The following GNG2 variants were observed in gnomAD, a reference collection of about 807,000 sequenced individuals.
GNG2 encodes the protein G protein subunit gamma 2, also known as guanine nucleotide-binding protein G(I)/G(S)/G(O) subunit gamma-2.
A neutral mutation model predicts 5.5 loss-of-function variants in GNG2; 5 were observed. The observed-to-expected ratio is 0.91, with a 90% CI of 0.48 to 1.92. The LOEUF (loss-of-function observed/expected upper bound fraction) is 1.92. Among genes scored for constraint, GNG2 ranks in the 30% most tolerant of loss-of-function variants. The pLI, the probability that GNG2 is intolerant of heterozygous loss-of-function variation, is 0.01. For synonymous variants in GNG2, 28 were observed against 32.0 expected (o/e 0.88, Z 0.42); for missense variants, 55 against 88.4 (o/e 0.62, Z 1.52).
chr14:51,942,462 G>C (rs1446280923), intron 2 of GNG2, among the ~76,000 whole-genome samples: 1 of 152,072 alleles, frequency 6.6e-6, no homozygotes, highest in Non-Finnish European at 1.5e-5. Context: ...CCTCATAAGA[G>C]GCAGTACCTT....
chr14:51,938,561 G>A (rs992718166), intron 2 of GNG2, among the ~76,000 whole-genome samples: 1 of 152,160 alleles, frequency 6.6e-6, no homozygotes, highest in Admixed American at 6.5e-5. Context: ...TTTTCTCACT[G>A]TAAAACAGCT....
At chr14:51,883,669 A>G (rs1594873301) in intron 2 of GNG2, among the ~76,000 whole-genome samples, 1 of 152,330 alleles carries the variant, frequency 6.6e-6, no homozygotes, top group East Asian at 1.9e-4. Flanking sequence ...TCATGGAAAA[A>G]TATACATTCG....
chr14:51,828,542 A>G (rs1434106387), intron 2 of GNG2, among the ~76,000 whole-genome samples: 1 of 152,074 alleles, frequency 6.6e-6, no homozygotes, highest in Non-Finnish European at 1.5e-5. Context: ...GCAGAAGAAA[A>G]CATGTTGTTT....
At chr14:51,869,476 C>T (rs1050247418) in intron 1 of GNG2, among the ~76,000 whole-genome samples, 16 of 152,144 alleles carry the variant, frequency 1.1e-4, no homozygotes, top group Admixed American at 2.0e-4. Flanking sequence ...TATTTCAATA[C>T]GTAGAGGCAT....
At chr14:51,828,400 G>T (rs985477259) in intron 2 of GNG2, among the ~76,000 whole-genome samples, 2 of 152,210 alleles carry the variant, frequency 1.3e-5, no homozygotes, top group South Asian at 2.1e-4. Flanking sequence ...AGGAAAGCAG[G>T]ACCAGAAGAA....
At position 51,968,394 on chromosome 14, in the gene GNG2, A is replaced by G. The variant is rs1184868866; in HGVS notation, c.*1707A>G. Reference sequence around the variant, plus strand: ...AAAAAAAAGCATGAAAAAGGAAGAGAAAAAGTTTGATATGCCAAGGACAGA... The same window carrying G: ...AAAAAAAAGCATGAAAAAGGAAGAGGAAAAGTTTGATATGCCAAGGACAGA... On this transcript the variant is annotated 3_prime_UTR_variant, in exon 4 of 4. Coordinates refer to ENST00000556766, the MANE Select transcript of GNG2 (RefSeq NM_053064.5). The G allele has an allele frequency of 5.3e-5, 8 of 152,070 alleles. No individual in the cohort carries two copies. The highest frequency in any genetic ancestry group is 7.2e-5 in the African/African-American group (3 of 41,386). 9.4% of individuals were successfully genotyped at this position (152,070 alleles called of 1,614,324 possible). A position where few individuals can be genotyped will look rare whatever the true frequency, so the allele number is the denominator to read the frequency against.
chr14:51,916,333 G>A (rs1011802699), intron 2 of GNG2: 37 of 362,302 alleles, frequency 1.0e-4, no homozygotes, highest in Middle Eastern at 8.8e-4. Context: ...TATTTGCCCC[G>A]TAGAGATAAA....
At chr14:51,941,577 AT>A (rs1436101887) in intron 2 of GNG2, among the ~76,000 whole-genome samples, 1 of 152,196 alleles carries the variant, frequency 6.6e-6, no homozygotes, top group Non-Finnish European at 1.5e-5. Flanking sequence ...GAAAAACACC[AT>A]TGAAGTATGA....
chr14:51,828,349 G>A (rs1231495348), intron 2 of GNG2, among the ~76,000 whole-genome samples: 1 of 152,212 alleles, frequency 6.6e-6, no homozygotes, highest in Non-Finnish European at 1.5e-5. Context: ...AGGGAGCTGT[G>A]CCTGCCTGAA....
chr14:51,869,061 A>C (rs1883125991), intron 1 of GNG2, among the ~76,000 whole-genome samples: 1 of 152,224 alleles, frequency 6.6e-6, no homozygotes, highest in Admixed American at 6.5e-5. Context: ...AGCCTCCTAG[A>C]GGAGTCATTC....
Position 51,840,773 on chromosome 14 carries a change from CACATCTGCTATTCTT to C in GNG2, c.64+12968_64+12982del, listed in dbSNP as rs1288760738. Among the ~76,000 whole-genome samples, 5 of 152,296 alleles carry C rather than the reference CACATCTGCTATTCTT, an allele frequency of 3.3e-5. No individual in the cohort carries two copies. In the East Asian group the frequency reaches 9.6e-4, roughly 29 times the overall value. On this transcript the variant is annotated intron_variant, in intron 2 of 3. Transcript: ENST00000553432. ...AGCTCTGTAAATGACTGCCTTTTAG[CACATCTGCTATTCTT>C]ATATGCCAGAAGACAACCCCCTTCT...
chr14:51,940,568 C>A (rs1433842615), intron 2 of GNG2, among the ~76,000 whole-genome samples: 2 of 152,144 alleles, frequency 1.3e-5, no homozygotes, highest in African/African-American at 2.4e-5. Context: ...ATCATGACAC[C>A]TAAAAGATCT....
At chr14:51,908,472 T>C (rs1181732911) in intron 2 of GNG2, among the ~76,000 whole-genome samples, 2 of 151,448 alleles carry the variant, frequency 1.3e-5, no homozygotes, top group East Asian at 1.9e-4. Context: ...TCTGGTGCTA[T>C]GTCTAAGGAC....
chr14:51,867,765 T>C (rs2140114849), intron 1 of GNG2, among the ~76,000 whole-genome samples: 1 of 152,364 alleles, frequency 6.6e-6, no homozygotes, highest in South Asian at 2.1e-4. Context: ...TCAGTTCAAA[T>C]GCTGCCTCTT....
chr14:51,831,255 A>AT (rs1226579484), intron 2 of GNG2, among the ~76,000 whole-genome samples: 4 of 152,126 alleles, frequency 2.6e-5, no homozygotes, highest in African/African-American at 9.7e-5. Flanking sequence ...CTTTAAAAAC[A>AT]TTTTTTGCCA....
At chr14:51,826,862 A>G (rs999754421) in intron 1 of GNG2, among the ~76,000 whole-genome samples, 2 of 152,224 alleles carry the variant, frequency 1.3e-5, no homozygotes, top group African/African-American at 4.8e-5. Flanking sequence ...AAGACCCATA[A>G]ATAAGCACAG....
intron 2 of GNG2, among the ~76,000 whole-genome samples, chr14:51,850,074 G>A (rs970409420): frequency 3.3e-5 from 5 of 152,100 alleles, no homozygotes; most frequent in South Asian, 2.1e-4. Context: ...TCCCTAAAAA[G>A]ACTAATACTA....
chr14:51,946,814 T>C (rs1888669285), intron 2 of GNG2, among the ~76,000 whole-genome samples: 1 of 152,166 alleles, frequency 6.6e-6, no homozygotes, highest in Admixed American at 6.5e-5. Context: ...TTCACCCAAA[T>C]GCCACTGTCA....
chr14:51,860,271 G>GC, upstream of GNG2: 1 of 152,320 alleles, frequency 6.6e-6, no homozygotes, highest in Non-Finnish European at 1.5e-5. Context: ...AACAACAATA[G>GC]CAACAAGCCA....
Sources: gnomAD v4.1 joint callset for allele counts (sites outside exome capture counted in the v4.1 genomes callset) on GRCh38, gnomAD v4.1.1 for gene constraint, MANE v1.5 for transcripts, NCBI Gene and HGNC (gene_info 2026-07-23, HGNC 2026-07-21) for gene names.